Variants in TMEM117 observed in about 807,000 individuals in gnomAD.
TMEM117 encodes the protein transmembrane protein 117.
A neutral mutation model predicts 52.4 loss-of-function variants in TMEM117; 27 were observed. The observed-to-expected ratio is 0.51, with a 90% CI of 0.38 to 0.71. The LOEUF (loss-of-function observed/expected upper bound fraction) is 0.71, where lower values mean the gene tolerates loss of function less well. TMEM117 is among the 30% of genes least tolerant of loss of function. The pLI is 0.00. For missense variants in TMEM117, 556 were observed against 630.5 expected, an observed-to-expected ratio of 0.88 and a Z score of 1.26; for synonymous variants, 215 against 206.3, an observed-to-expected ratio of 1.04 and a Z score of -0.36.
intron 2 of TMEM117, among the ~76,000 whole-genome samples, chr12:43,898,027 C>T (rs1323675034): frequency 1.7e-4 from 6 of 34,324 alleles, no homozygotes; most frequent in Non-Finnish European, 4.2e-4. Flanking sequence ...CATGCACATG[C>T]GCACACACAC....
chr12:43,863,091 A>G (rs1242930992), intron 2 of TMEM117, among the ~76,000 whole-genome samples: 2 of 152,154 alleles, frequency 1.3e-5, no homozygotes, highest in Admixed American at 1.3e-4. Flanking sequence ...ACTGAAATAC[A>G]GAAAATCAGC....
intron 3 of TMEM117, among the ~76,000 whole-genome samples, chr12:44,141,590 AAG>A (rs1253095734): frequency 6.6e-6 from 1 of 152,150 alleles, no homozygotes; most frequent in East Asian, 1.9e-4. Flanking sequence ...ACTCTACCCC[AAG>A]ATATTCTAGA....
Position 44,002,163 on chromosome 12 carries a change from G to T in TMEM117, c.410+57821G>T, listed in dbSNP as rs1213837784. On this transcript the variant is annotated intron_variant, in intron 3 of 7. Coordinates refer to ENST00000266534, the MANE Select transcript of TMEM117 (RefSeq NM_032256.3). ...TAAGAAGGGATTCCTGGACTTATAG[G>T]AGACAGCCAAGAGAACACCTGCACG... Among the ~76,000 whole-genome samples the T allele has an allele frequency of 3.9e-5, 6 of 152,172 alleles. No homozygotes were observed. The East Asian group carries it at 1.2e-3, about 29-fold the overall frequency.
rs1447230726 is a variant in TMEM117 at position 44,201,271 on chromosome 12, C to A, written c.511-10019C>A. ...AATAAAGGTCAAATTGAAATCTCTA[C>A]AAATATTACTTGACACACGCCAAAA... On this transcript the variant is annotated intron_variant, in intron 4 of 7. Transcript: ENST00000266534. Among the ~76,000 whole-genome samples, 3 of 152,070 alleles carry A rather than the reference C, an allele frequency of 2.0e-5. No homozygotes were observed. In the East Asian group the frequency reaches 5.8e-4, roughly 29 times the overall value.
chr12:43,889,810 G>T (rs1944069374), intron 2 of TMEM117, among the ~76,000 whole-genome samples: 1 of 152,142 alleles, frequency 6.6e-6, no homozygotes, highest in South Asian at 2.1e-4. Flanking sequence ...CTTTCTTGCA[G>T]GTTCATTGGG....
intron 4 of TMEM117, among the ~76,000 whole-genome samples, chr12:44,201,451 C>A (rs1402865273): frequency 6.6e-6 from 1 of 151,898 alleles, no homozygotes; most frequent in Non-Finnish European, 1.5e-5. Context: ...GGATAAGATT[C>A]CAAAAAGACT....
chr12:44,124,252 T>C (rs1477999941), intron 3 of TMEM117, among the ~76,000 whole-genome samples: 3 of 152,214 alleles, frequency 2.0e-5, no homozygotes, highest in Non-Finnish European at 4.4e-5. Flanking sequence ...ACATTGATTT[T>C]GTATCCTGAG....
At chr12:43,945,510 G>A (rs900156595) in intron 3 of TMEM117, among the ~76,000 whole-genome samples, 1 of 152,042 alleles carries the variant, frequency 6.6e-6, no homozygotes, top group African/African-American at 2.4e-5. Flanking sequence ...TTTAGTAGAG[G>A]TGGGATTTCA....
At chr12:44,331,917 G>A (rs1951275539) in intron 6 of TMEM117, among the ~76,000 whole-genome samples, 2 of 151,914 alleles carry the variant, frequency 1.3e-5, no homozygotes, top group Admixed American at 1.3e-4. Context: ...GTCACCTTGG[G>A]CACATAGGTT....
intron 7 of TMEM117, among the ~76,000 whole-genome samples, chr12:44,384,015 C>G (rs1189959373): frequency 1.3e-5 from 2 of 152,140 alleles, no homozygotes; most frequent in African/African-American, 4.8e-5. Context: ...TAAGGATTAT[C>G]TAGCTCAACT....
rs532051709 is a variant in TMEM117, at chr12:43,844,410, T to G, written c.-28-214T>G. Among the ~76,000 whole-genome samples the G allele has an allele frequency of 7.2e-5, 11 of 152,366 alleles. No individual in the cohort carries two copies. In the South Asian group the frequency reaches 2.1e-3, roughly 29 times the overall value. The stretch of plus-strand genomic sequence containing the variant: ...ATACTCTTTCATTGTTTTTCTTTCC[T>G]AAGTCCCCAGATGATCAGAGGTATG... On this transcript the variant is annotated intron_variant, in intron 1 of 7. Transcript: ENST00000266534.
At chr12:44,256,517 G>T (rs1302037528) in intron 5 of TMEM117, among the ~76,000 whole-genome samples, 1 of 151,888 alleles carries the variant, frequency 6.6e-6, no homozygotes, top group Non-Finnish European at 1.5e-5. Context: ...ATAATACATG[G>T]ATATTTCATG....
At chr12:44,125,795 G>C (rs1948314696) in intron 3 of TMEM117, among the ~76,000 whole-genome samples, 1 of 151,886 alleles carries the variant, frequency 6.6e-6, no homozygotes, top group Non-Finnish European at 1.5e-5. Context: ...AATTCTTTTA[G>C]TTGTGATGTT....
At chr12:44,290,422 T>C (rs1194243821) in intron 5 of TMEM117, among the ~76,000 whole-genome samples, 1 of 152,200 alleles carries the variant, frequency 6.6e-6, no homozygotes, top group Non-Finnish European at 1.5e-5. Flanking sequence ...CTAATTTCTT[T>C]CTTTTGTATG....
chr12:44,204,797 T>A (rs548683768), intron 4 of TMEM117, among the ~76,000 whole-genome samples: 2 of 152,186 alleles, frequency 1.3e-5, no homozygotes, highest in Admixed American at 6.5e-5. Context: ...TAACAAGCAA[T>A]GGGGAGGGGA....
At chr12:44,238,820 A>G (rs540648150) in intron 5 of TMEM117, among the ~76,000 whole-genome samples, 1 of 152,222 alleles carries the variant, frequency 6.6e-6, no homozygotes, top group Non-Finnish European at 1.5e-5. Flanking sequence ...CAACTAGTTG[A>G]TTAAAAATTT....
the TMEM117 span, among the ~76,000 whole-genome samples, chr12:44,396,841 G>A: frequency 7.1e-6 from 1 of 141,076 alleles, no homozygotes; most frequent in East Asian, 2.0e-4. Flanking sequence ...GCAACAGAGT[G>A]AGACTCCAAA....
At chr12:43,985,732 A>G (rs773446573) in intron 3 of TMEM117, among the ~76,000 whole-genome samples, 7 of 152,184 alleles carry the variant, frequency 4.6e-5, no homozygotes, top group African/African-American at 7.2e-5. Flanking sequence ...AGGTGATTAA[A>G]AGAAAGTAAT....
chr12:44,199,442 A>C (rs1949463749), intron 4 of TMEM117, among the ~76,000 whole-genome samples: 1 of 152,192 alleles, frequency 6.6e-6, no homozygotes. Flanking sequence ...TTTCACCTAA[A>C]ATATTGTTCC....
Sources: gnomAD v4.1 joint callset for allele counts (sites outside exome capture counted in the v4.1 genomes callset) on GRCh38, gnomAD v4.1.1 for gene constraint, MANE v1.5 for transcripts, NCBI Gene and HGNC (gene_info 2026-07-23, HGNC 2026-07-21) for gene names.